Variants in PCLO observed in about 807,000 individuals in gnomAD.
The protein encoded by PCLO is piccolo presynaptic cytomatrix protein, also known as protein piccolo.
Under a neutral mutation model 427.5 loss-of-function variants are expected in PCLO, and 82 were observed. That is an observed-to-expected ratio of 0.19 (90% CI 0.16 to 0.23). The LOEUF (loss-of-function observed/expected upper bound fraction) is 0.23. Ranked by LOEUF, PCLO falls within the 10% of genes least tolerant of loss-of-function variation. The pLI is 1.00. For synonymous variants in PCLO, 2,357 were observed against 2,155.4 expected, an observed-to-expected ratio of 1.09 and a Z score of -2.59; for missense variants, 6,239 against 6,115.9, an observed-to-expected ratio of 1.02 and a Z score of -0.67.
At chr7:83,040,695 G>C (rs1788951645) in intron 3 of PCLO, among the ~76,000 whole-genome samples, 5 of 151,940 alleles carry the variant, frequency 3.3e-5, no homozygotes, top group Admixed American at 3.3e-4. Flanking sequence ...CCTCTTTTTT[G>C]AGAGTGTCTT....
At chr7:82,852,250 T>C (rs1005685333) in intron 10 of PCLO, among the ~76,000 whole-genome samples, 9 of 152,124 alleles carry the variant, frequency 5.9e-5, no homozygotes, top group African/African-American at 2.2e-4. Flanking sequence ...ATATTGAGTG[T>C]CAACTTGATT....
At position 82,844,679 on chromosome 7, in the gene PCLO, C is replaced by A. The variant is rs373408382; in HGVS notation, c.14046+592G>T. Among the ~76,000 whole-genome samples the A allele has an allele frequency of 4.3e-3, 658 of 152,146 alleles. 4 individuals are homozygous for A. The highest frequency in any genetic ancestry group is 0.026 in the South Asian group (124 of 4,820). On this transcript the variant is annotated intron_variant, in intron 13 of 24. Coordinates refer to ENST00000333891, the MANE Select transcript of PCLO (RefSeq NM_033026.6). ...AAATCATAAATTTTGTATATTTCCTCTGCTTTTTATAAGGTTAAAAAATAA... is the reference window on the plus strand; with the variant it reads ...AAATCATAAATTTTGTATATTTCCTATGCTTTTTATAAGGTTAAAAAATAA...
At chr7:82,914,656 A>G (rs1584143667) in intron 7 of PCLO, 30 bp downstream of exon 7, 1 of 1,606,468 alleles carries the variant, frequency 6.2e-7, no homozygotes. Flanking sequence ...GAGTTTTGAG[A>G]GTAACAGGGT....
intron 14 of PCLO, among the ~76,000 whole-genome samples, chr7:82,840,938 A>G (rs1792350962): frequency 6.6e-6 from 1 of 151,732 alleles, no homozygotes; most frequent in African/African-American, 2.4e-5. Flanking sequence ...ATTTAAAAAG[A>G]TGATTATCTT....
intron 3 of PCLO, among the ~76,000 whole-genome samples, chr7:83,010,409 C>T (rs754860275): frequency 1.8e-4 from 27 of 151,654 alleles, no homozygotes; most frequent in Non-Finnish European, 2.1e-4. Context: ...TTGAATAGCA[C>T]CGATATCCAA....
intron 6 of PCLO, among the ~76,000 whole-genome samples, chr7:82,917,254 G>GC (rs1023825219): frequency 6.6e-6 from 1 of 151,742 alleles, no homozygotes; most frequent in African/African-American, 2.4e-5. Flanking sequence ...TCCGACTTTT[G>GC]CCCCCTGGAG....
At chr7:83,134,220 T>TATATATAC (rs1280211447) in intron 3 of PCLO, 30 bp downstream of exon 3, 20 of 303,726 alleles carry the variant, frequency 6.6e-5, no homozygotes, top group Middle Eastern at 1.3e-3. Flanking sequence ...CCATATGTAA[T>TATATATAC]ATATATATAT....
chr7:82,837,465 A>C (rs753948340), intron 15 of PCLO, among the ~76,000 whole-genome samples: 1 of 152,056 alleles, frequency 6.6e-6, no homozygotes, highest in Non-Finnish European at 1.5e-5. Flanking sequence ...TTATGTTTCC[A>C]TCTTGCTAAT....
intron 4 of PCLO, among the ~76,000 whole-genome samples, chr7:82,957,365 G>A (rs1246799671): frequency 3.3e-5 from 5 of 152,026 alleles, no homozygotes; most frequent in African/African-American, 7.2e-5. Context: ...ATCAGACAAC[G>A]GGCTTTGTGC....
At chr7:82,770,615 C>T (rs1300334854) in intron 22 of PCLO, among the ~76,000 whole-genome samples, 1 of 151,522 alleles carries the variant, frequency 6.6e-6, no homozygotes, top group African/African-American at 2.4e-5. Flanking sequence ...TATAATTTGT[C>T]CTGTTCACTA....
At chr7:83,056,547 C>G (rs987790484) in intron 3 of PCLO, among the ~76,000 whole-genome samples, 2 of 152,184 alleles carry the variant, frequency 1.3e-5, no homozygotes, top group African/African-American at 4.8e-5. Flanking sequence ...TCAGAACCGT[C>G]ACTTTGTGAT....
intron 16 of PCLO, among the ~76,000 whole-genome samples, chr7:82,830,455 T>C (rs1584022444): frequency 6.6e-6 from 1 of 151,962 alleles, no homozygotes; most frequent in East Asian, 1.9e-4. Flanking sequence ...TTAATAACTT[T>C]AATTTGATAG....
At chr7:82,981,843 G>A (rs1796153161) in intron 3 of PCLO, among the ~76,000 whole-genome samples, 1 of 152,074 alleles carries the variant, frequency 6.6e-6, no homozygotes, top group Non-Finnish European at 1.5e-5. Context: ...AACAGCATTG[G>A]ATTCTGAAGT....
At position 82,950,951 on chromosome 7, in the gene PCLO, G is replaced by T. The variant is rs1795328642; in HGVS notation, c.9637C>A (p.Gln3213Lys). 6.2e-7 allele frequency: 1 copy of T among 1,613,432 alleles called. No homozygotes were observed. The highest frequency in any genetic ancestry group is 2.2e-5 in the East Asian group (1 of 44,848). ...IVPEEDKQQQ[Q>K]LDLERELLEL... is the part of the protein sequence containing the mutation. Reference sequence around the variant, plus strand: ...AGGAGCTCACGCTCCAAGTCTAGCTGCTGCTGTTGTTTATCTTCTTCAGGG... The same window carrying T: ...AGGAGCTCACGCTCCAAGTCTAGCTTCTGCTGTTGTTTATCTTCTTCAGGG... The change falls in exon 6 of 25, where the codon CAG becomes AAG. Residue 3213 changes from glutamine (Q) to lysine (K), a missense_variant. Gln to Lys is a moderately conservative substitution (Grantham distance 53, BLOSUM62 1). Around this residue, in one of 5 missense-constraint regions of PCLO, gnomAD observed 4,677 missense variants for 4,468.4 expected, o/e 1.05. Coordinates refer to ENST00000333891, the MANE Select transcript of PCLO (RefSeq NM_033026.6).
intron 3 of PCLO, among the ~76,000 whole-genome samples, chr7:83,071,458 G>A (rs1789813983): frequency 6.6e-6 from 1 of 152,140 alleles, no homozygotes; most frequent in Non-Finnish European, 1.5e-5. Flanking sequence ...TTTGGAAAGA[G>A]ATTTGGTAAC....
In PCLO at chr7:83,135,389, T is replaced by C; in HGVS notation, c.2161A>G (p.Lys721Glu). 6.2e-7 allele frequency: 1 copy of C among 1,613,958 alleles called. No individual in the cohort carries two copies. Among genetic ancestry groups the C allele is most frequent in the Non-Finnish European group, 8.5e-7 (1 of 1,179,876 alleles). ...TLHGSPSAKA[K>E]QPPEADSLSK... ...AAAGAATCTGCCTCAGGGGGCTGCT[T>C]GGCCTTGGCTGAAGGAGAGCCATGA... The change falls in exon 3 of 25, where the codon AAG becomes GAG. Residue 721 changes from lysine (K) to glutamate (E), a missense_variant. Lys to Glu is a moderately conservative substitution (Grantham distance 56). Coordinates refer to ENST00000333891, the MANE Select transcript of PCLO (RefSeq NM_033026.6).
chr7:83,035,649 T>C (rs1284589108), intron 3 of PCLO, among the ~76,000 whole-genome samples: 3 of 152,196 alleles, frequency 2.0e-5, no homozygotes, highest in Admixed American at 2.0e-4. Flanking sequence ...AGTTACTTTA[T>C]TAATCAATGA....
chr7:83,105,821 A>G (rs1790840876), intron 3 of PCLO, among the ~76,000 whole-genome samples: 1 of 152,220 alleles, frequency 6.6e-6, no homozygotes, highest in African/African-American at 2.4e-5. Context: ...TCTCTGTTTC[A>G]ACAAAGCTGC....
At chr7:83,104,946 C>A (rs1017672342) in intron 3 of PCLO, among the ~76,000 whole-genome samples, 1 of 122,992 alleles carries the variant, frequency 8.1e-6, no homozygotes, top group African/African-American at 3.4e-5. Context: ...GCAAATAAAT[C>A]ATCAAAAGGC....
Sources: gnomAD v4.1 joint callset for allele counts (sites outside exome capture counted in the v4.1 genomes callset) on GRCh38, gnomAD v4.1.1 for gene constraint, gnomAD v4.1.1 regional missense constraint, MANE v1.5 for transcripts, NCBI Gene and HGNC (gene_info 2026-07-23, HGNC 2026-07-21) for gene names.